Variants in CEP83 observed in about 807,000 individuals in gnomAD.
CEP83 encodes centrosomal protein of 83 kDa.
CEP83 carries 70 observed loss-of-function variants against 101.9 expected under a neutral mutation model. The ratio of observed to expected loss-of-function variants is 0.69; its 90% confidence interval spans 0.57 to 0.84. The LOEUF (loss-of-function observed/expected upper bound fraction) is 0.84, where lower values mean the gene tolerates loss of function less well. Ranked by LOEUF, CEP83 falls within the 40% of genes least tolerant of loss-of-function variation. CEP83 has a pLI of 0.00. For synonymous variants in CEP83, 264 were observed against 267.9 expected, an observed-to-expected ratio of 0.99 and a Z score of 0.14; for missense variants, 715 against 787.2, an observed-to-expected ratio of 0.91 and a Z score of 1.10.
intron 14 of CEP83, among the ~76,000 whole-genome samples, chr12:94,319,387 T>C (rs1971246631): frequency 6.6e-6 from 1 of 152,192 alleles, no homozygotes; most frequent in African/African-American, 2.4e-5. Flanking sequence ...TGTTCATGTT[T>C]TGATCTCCTT....
the CEP83 span, chr12:94,282,393 C>T: frequency 6.2e-7 from 1 of 1,605,766 alleles, no homozygotes; most frequent in Non-Finnish European, 8.5e-7. Flanking sequence ...CACCATTGGC[C>T]ACTATGAGGT....
At chr12:94,276,877 G>A in the CEP83 span, 8 of 152,194 alleles carry the variant, frequency 5.3e-5, no homozygotes, top group Admixed American at 4.6e-4. Flanking sequence ...AGGCAAGGGA[G>A]TGACTCTGTT....
chr12:94,342,540 C>T (rs529720098), intron 11 of CEP83, among the ~76,000 whole-genome samples: 1 of 152,290 alleles, frequency 6.6e-6, no homozygotes. Flanking sequence ...CTCCCATTCC[C>T]GCCTGCACAT....
intron 11 of CEP83, among the ~76,000 whole-genome samples, chr12:94,363,101 T>C (rs533583990): frequency 6.6e-6 from 1 of 152,364 alleles, no homozygotes; most frequent in African/African-American, 2.4e-5. Context: ...GAATAATTTC[T>C]GGTGTTCTAC....
chr12:94,301,378 CAT>C, the CEP83 span, among the ~76,000 whole-genome samples: 1 of 152,126 alleles, frequency 6.6e-6, no homozygotes, highest in African/African-American at 2.4e-5. Flanking sequence ...AATATGCAAC[CAT>C]TGAAATTTGC....
intron 4 of CEP83, among the ~76,000 whole-genome samples, chr12:94,407,090 A>G (rs995217184): frequency 6.6e-6 from 1 of 152,196 alleles, no homozygotes; most frequent in Non-Finnish European, 1.5e-5. Flanking sequence ...TGAAGCACAG[A>G]GACAAAAAAT....
At chr12:94,434,547 T>G (rs918563654) in intron 2 of CEP83, among the ~76,000 whole-genome samples, 1 of 152,212 alleles carries the variant, frequency 6.6e-6, no homozygotes, top group Non-Finnish European at 1.5e-5. Context: ...AAAGTTAAGG[T>G]TGAAAAATCA....
the CEP83 span, among the ~76,000 whole-genome samples, chr12:94,280,772 C>T: frequency 1.2e-4 from 18 of 152,344 alleles, no homozygotes; most frequent in Middle Eastern, 6.8e-3. Context: ...CATGGGCATA[C>T]CCCGCCCGAC....
At chr12:94,364,220 C>A (rs977403919) in intron 11 of CEP83, among the ~76,000 whole-genome samples, 1 of 152,060 alleles carries the variant, frequency 6.6e-6, no homozygotes, top group African/African-American at 2.4e-5. Flanking sequence ...TTCAATACCA[C>A]TGAATTGTAC....
chr12:94,293,002 C>T, the CEP83 span, among the ~76,000 whole-genome samples: 3 of 152,256 alleles, frequency 2.0e-5, no homozygotes, highest in East Asian at 1.9e-4. Context: ...TAATCACTAC[C>T]GCTGCTCTCT....
intron 1 of CEP83, among the ~76,000 whole-genome samples, chr12:94,455,066 G>A (rs1057188956): frequency 1.3e-5 from 2 of 152,122 alleles, no homozygotes; most frequent in East Asian, 1.9e-4. Flanking sequence ...CATTCACCAC[G>A]AGGGTCCGCA....
intron 1 of CEP83, among the ~76,000 whole-genome samples, chr12:94,449,375 A>G (rs895835617): frequency 1.3e-5 from 2 of 152,180 alleles, no homozygotes; most frequent in African/African-American, 4.8e-5. Flanking sequence ...ATCACGAGCA[A>G]CCAACAGACT....
intron 11 of CEP83, among the ~76,000 whole-genome samples, chr12:94,365,791 C>T (rs925428390): frequency 7.4e-6 from 1 of 135,660 alleles, no homozygotes; most frequent in African/African-American, 2.7e-5. Context: ...AAAAAAAAGA[C>T]AAAATATTGG....
At chr12:94,424,924 G>A in intron 2 of CEP83, 1 of 1,596,802 alleles carries the variant, frequency 6.3e-7, no homozygotes, top group South Asian at 1.1e-5. Context: ...TTCTATTGTA[G>A]CCAAAAGTAG....
At chr12:94,354,787 G>A (rs1181400373) in intron 11 of CEP83, among the ~76,000 whole-genome samples, 1 of 152,110 alleles carries the variant, frequency 6.6e-6, no homozygotes, top group South Asian at 2.1e-4. Flanking sequence ...TGAGGCAGGA[G>A]GATCACAAGG....
chr12:94,412,261 A>C (rs2063932785), intron 3 of CEP83, 57 bp downstream of exon 3: 1 of 1,386,156 alleles, frequency 7.2e-7, no homozygotes, highest in Admixed American at 2.3e-5. Flanking sequence ...CATTCAGCCA[A>C]GATAATGCCA....
In CEP83 at chr12:94,403,188, ACGTT is replaced by A; in HGVS notation, c.395_398del (p.Glu132ValfsTer5). Reference sequence around the variant, plus strand: ...TACTTACTTCATCTAGATTCCTAAAACGTTCTCTCATTGGAGTTTCTAATTCTTG... The same window carrying A: ...TACTTACTTCATCTAGATTCCTAAAACTCTCATTGGAGTTTCTAATTCTTG... On this transcript the variant is annotated frameshift_variant, in exon 5 of 17. Transcript: ENST00000397809. LOFTEE classifies it high-confidence loss of function. 3.8e-6 allele frequency: 6 copies of A among 1,565,138 alleles called. No homozygotes were observed. The highest frequency in any genetic ancestry group is 5.3e-6 in the Non-Finnish European group (6 of 1,136,754).
intron 6 of CEP83, among the ~76,000 whole-genome samples, chr12:94,381,339 T>G (rs189018677): frequency 6.6e-6 from 1 of 152,354 alleles, no homozygotes; most frequent in East Asian, 1.9e-4. Flanking sequence ...TTCTCTTTTA[T>G]GAACTTTATT....
chr12:94,291,139 A>G, the CEP83 span, among the ~76,000 whole-genome samples: 1 of 152,244 alleles, frequency 6.6e-6, no homozygotes, highest in Non-Finnish European at 1.5e-5. Flanking sequence ...GTCTTAGGTG[A>G]GAACGCTTGA....
Sources: gnomAD v4.1 joint callset for allele counts (sites outside exome capture counted in the v4.1 genomes callset) on GRCh38, gnomAD v4.1.1 for gene constraint, MANE v1.5 for transcripts, NCBI Gene and HGNC (gene_info 2026-07-23, HGNC 2026-07-21) for gene names.